The following STYXL2 variants were observed in gnomAD, a reference collection of about 807,000 sequenced individuals.
STYXL2 encodes the protein serine/threonine/tyrosine interacting like 2.
Under a neutral mutation model 52.4 loss-of-function variants are expected in STYXL2, and 44 were observed. The observed-to-expected ratio is 0.84, with a 90% CI of 0.66 to 1.08. The LOEUF (loss-of-function observed/expected upper bound fraction) is 1.08. Ranked by LOEUF, STYXL2 falls within the 50% of genes least tolerant of loss-of-function variation. The pLI is 0.00. For missense variants in STYXL2, 1,604 were observed against 1,471.7 expected (o/e 1.09, Z -1.47); for synonymous variants, 604 against 586.9 (o/e 1.03, Z -0.42).
chr1:167,109,590 A>G (rs753488306), intron 2 of STYXL2, among the ~76,000 whole-genome samples: 1 of 152,098 alleles, frequency 6.6e-6, no homozygotes, highest in Non-Finnish European at 1.5e-5. Flanking sequence ...CTTTCTCTAC[A>G]TGCCCTGGTA....
intron 2 of STYXL2, 96 bp downstream of exon 2, chr1:167,095,055 TC>T: frequency 1.2e-6 from 1 of 811,024 alleles, no homozygotes; most frequent in Non-Finnish European, 2.0e-6. Context: ...AGCCATCACC[TC>T]GGTTCACTCA....
At position 167,124,103 on chromosome 1, in the gene STYXL2, G is replaced by A. The variant is rs938982755; in HGVS notation, c.656-1684G>A. Among the ~76,000 whole-genome samples, 3 of 151,828 alleles carry A rather than the reference G, an allele frequency of 2.0e-5. No homozygotes were observed. In the South Asian group the frequency reaches 6.3e-4, roughly 32 times the overall value. ...TTGTTTTTGTTTTTTTTAGAGACGA[G>A]GTTTCGCTATGTTGCCAGGCCGGTC... On this transcript the variant is annotated intron_variant, in intron 5 of 5. Transcript: ENST00000361200.
intron 2 of STYXL2, among the ~76,000 whole-genome samples, chr1:167,105,962 C>T (rs1255702829): frequency 6.6e-6 from 1 of 152,200 alleles, no homozygotes; most frequent in African/African-American, 2.4e-5. Context: ...ACCGGGTAGG[C>T]TCTTCACGTA....
rs368051254 is a variant in STYXL2, at chr1:167,096,376, G to A, written c.110+1417G>A. ...CCCCGAATAAGGCAGAGGTCGCTTCGTGTGTGGTTGGGATAGGTGACAGTT... is the reference window on the plus strand; with the variant it reads ...CCCCGAATAAGGCAGAGGTCGCTTCATGTGTGGTTGGGATAGGTGACAGTT... On this transcript the variant is annotated intron_variant, in intron 2 of 5. Transcript: ENST00000361200. Among the ~76,000 whole-genome samples the A allele has an allele frequency of 5.9e-4, 90 of 152,322 alleles. 1 individual carries two copies. In the South Asian group the frequency reaches 0.018, roughly 30 times the overall value.
intron 2 of STYXL2, among the ~76,000 whole-genome samples, chr1:167,108,693 A>G (rs1667556644): frequency 6.6e-6 from 1 of 152,228 alleles, no homozygotes; most frequent in Non-Finnish European, 1.5e-5. Flanking sequence ...TCCCACTTGG[A>G]TGAACAGAAC....
chr1:167,107,912 A>G (rs1260774190), intron 2 of STYXL2, among the ~76,000 whole-genome samples: 2 of 152,216 alleles, frequency 1.3e-5, no homozygotes, highest in African/African-American at 2.4e-5. Flanking sequence ...AATCTGAAAA[A>G]TGAGGGAAGC....
chr1:167,127,806 C>T lies in STYXL2; in HGVS notation c.2675C>T (p.Ala892Val). 1 of 1,613,738 alleles carries T rather than the reference C, an allele frequency of 6.2e-7. No homozygotes were observed. The highest frequency in any genetic ancestry group is 1.3e-5 in the African/African-American group (1 of 74,960). Residue 892 changes from alanine to valine, a missense_variant, in exon 6 of 6, where the codon GCC (alanine) becomes GTC (valine). Ala to Val is a moderately conservative substitution (Grantham distance 64, BLOSUM62 0). Transcript: ENST00000361200. ...VGDGDEDTDS[A>V]IGSFRYSSRS... ...GATGGGGATGAGGACACTGACAGTG[C>T]CATAGGGAGCTTCCGATATTCTTCC... is the stretch of plus-strand genomic sequence containing the variant.
chr1:167,117,585 C>T, intron 4 of STYXL2, 26 bp downstream of exon 4: 2 of 1,557,426 alleles, frequency 1.3e-6, no homozygotes, highest in Non-Finnish European at 1.7e-6. Context: ...CTTCATGACC[C>T]TTTGTCCTAA....
At chr1:167,101,784 G>C (rs1219133771) in intron 2 of STYXL2, among the ~76,000 whole-genome samples, 1 of 146,506 alleles carries the variant, frequency 6.8e-6, no homozygotes, top group Non-Finnish European at 1.5e-5. Context: ...CTAGGCAACA[G>C]AGTGACAGTC....
At position 167,125,926 on chromosome 1, in the gene STYXL2, G is replaced by T. The variant is rs267745; in HGVS notation, c.795G>T (p.Glu265Asp). 1.9e-5 allele frequency: 30 copies of T among 1,613,776 alleles called. No individual in the cohort carries two copies. The highest frequency in any genetic ancestry group is 2.4e-5 in the Non-Finnish European group (28 of 1,179,984). The change falls in exon 6 of 6, where the codon GAG becomes GAT. Residue 265 changes from glutamate to aspartate, a missense_variant. Physicochemically the swap from Glu to Asp is conservative, Grantham distance 45. Transcript: ENST00000361200. ...AGAAGCGGGCCATCTACCCCAATGA[G>T]GGCTTCCTGAAGCAGCTGCGGGAGC... ...VRKKRAIYPNEGFLKQLRELN... is the reference protein window; with the variant it reads ...VRKKRAIYPNDGFLKQLRELN...
rs867481569 is a variant in STYXL2, at chr1:167,128,029, C to T, written c.2898C>T (p.Ser966=). The change falls in exon 6 of 6, where the codon TCC becomes TCT. Residue 966 remains serine, a synonymous_variant. Transcript: ENST00000361200. The part of the protein sequence containing the change: ...GSSRGKYTRS[S]LLRETESKSS... ...CCAGAGGGAAGTACACCAGATCGTC[C>T]CTGCTCAGGGAGACAGAGTCTAAAT... 3 of 1,614,148 alleles carry T rather than the reference C, an allele frequency of 1.9e-6. No individual in the cohort carries two copies. The highest frequency in any genetic ancestry group is 1.1e-5 in the South Asian group (1 of 91,082).
At position 167,117,553 on chromosome 1, in the gene STYXL2, C is replaced by T. The variant is rs879246949; in HGVS notation, c.431C>T (p.Ala144Val). ...GAGGTCTGGCCCAATGTCTTCATAG[C>T]TGAGAAGTGAGTCTGACTGCTCTTC... ...VDEVWPNVFIAEKSVAVNKGR... is the reference protein window; with the variant it reads ...VDEVWPNVFIVEKSVAVNKGR... Residue 144 changes from alanine to valine, a missense_variant, in exon 4 of 6, where the codon GCT (alanine) becomes GTT (valine). Ala to Val is a moderately conservative substitution (Grantham distance 64, BLOSUM62 0). Transcript: ENST00000361200. 2.5e-6 allele frequency: 4 copies of T among 1,596,114 alleles called. No homozygotes were observed. In the South Asian group the frequency reaches 4.6e-5, roughly 18 times the overall value.
intron 2 of STYXL2, 107 bp downstream of exon 2, chr1:167,095,066 A>G (rs1483387127): frequency 6.8e-6 from 5 of 738,600 alleles, no homozygotes; most frequent in East Asian, 5.4e-5. Context: ...CGGTTCACTC[A>G]TTTAACAAAT....
At chr1:167,114,476 G>A (rs1403539438) in intron 3 of STYXL2, among the ~76,000 whole-genome samples, 3 of 152,200 alleles carry the variant, frequency 2.0e-5, no homozygotes, top group Non-Finnish European at 4.4e-5. Context: ...AGTGCACACT[G>A]ATGAAGCAGG....
At chr1:167,098,003 C>CT (rs35037292) in intron 2 of STYXL2, among the ~76,000 whole-genome samples, 1,763 of 96,572 alleles carry the variant, frequency 0.018, 91 homozygotes, top group African/African-American at 0.034. Context: ...TCTCTACAAA[C>CT]TTTTTTTTTT....
intron 3 of STYXL2, among the ~76,000 whole-genome samples, chr1:167,117,115 A>G (rs1047803470): frequency 1.3e-4 from 20 of 152,170 alleles, no homozygotes; most frequent in African/African-American, 4.6e-4. Context: ...ACCCACATCT[A>G]TACAGTCTTC....
At chr1:167,102,885 G>A (rs578158560) in intron 2 of STYXL2, among the ~76,000 whole-genome samples, 7 of 148,622 alleles carry the variant, frequency 4.7e-5, no homozygotes, top group East Asian at 3.9e-4. Flanking sequence ...CCTCACCACC[G>A]GACTCTTAGT....
chr1:167,128,819 C>A lies in STYXL2; in HGVS notation c.*211C>A. The A allele has an allele frequency of 1.4e-6, 1 of 695,484 alleles. No homozygotes were observed. The highest frequency in any genetic ancestry group is 2.3e-5 in the African/African-American group (1 of 43,494). 43.1% of individuals were successfully genotyped at this position (695,484 alleles called of 1,614,324 possible). On this transcript the variant is annotated 3_prime_UTR_variant, in exon 6 of 6. Coordinates refer to ENST00000361200, the MANE Select transcript of STYXL2 (RefSeq NM_001080426.3). Reference sequence around the variant, plus strand: ...GAACCATCAATACGAATACGAGGTCCGAATGCGGACCAACTGATACCATTT... The same window carrying A: ...GAACCATCAATACGAATACGAGGTCAGAATGCGGACCAACTGATACCATTT...
At chr1:167,125,151 T>C (rs1280816873) in intron 5 of STYXL2, among the ~76,000 whole-genome samples, 1 of 152,244 alleles carries the variant, frequency 6.6e-6, no homozygotes, top group Non-Finnish European at 1.5e-5. Context: ...TCATACAATG[T>C]ATCCATAGTT....
Sources: gnomAD v4.1 joint callset for allele counts (sites outside exome capture counted in the v4.1 genomes callset) on GRCh38, gnomAD v4.1.1 for gene constraint, MANE v1.5 for transcripts, NCBI Gene and HGNC (gene_info 2026-07-23, HGNC 2026-07-21) for gene names.